The following CCDC62 variants were observed in gnomAD, a reference collection of about 807,000 sequenced individuals.
CCDC62 encodes coiled-coil domain-containing protein 62.
In CCDC62, 72 loss-of-function variants were observed where a neutral mutation model predicts 80.8. The observed-to-expected ratio is 0.89, with a 90% CI of 0.74 to 1.08. The LOEUF is 1.08. Among genes scored for constraint, CCDC62 ranks in the 50% least tolerant of loss-of-function variants. The probability of loss-of-function intolerance (pLI) is 0.00; values close to 1 mark genes in which losing one functional copy is unlikely to be tolerated. For synonymous variants in CCDC62, 286 were observed against 296.5 expected (o/e 0.96, Z 0.36); for missense variants, 704 against 809.4 (o/e 0.87, Z 1.58).
chr12:122,786,743 G>A (rs1445924494), intron 4 of CCDC62, among the ~76,000 whole-genome samples: 3 of 150,684 alleles, frequency 2.0e-5, no homozygotes, highest in Admixed American at 6.6e-5. Context: ...GGCAGATCAC[G>A]AGGTCAGGAG....
chr12:122,810,814 T>C (rs2031836279), intron 10 of CCDC62, among the ~76,000 whole-genome samples: 1 of 152,128 alleles, frequency 6.6e-6, no homozygotes, highest in African/African-American at 2.4e-5. Flanking sequence ...ATGTGGCACA[T>C]ATACACCATG....
At position 122,827,463 on chromosome 12, in the gene CCDC62, AAG is replaced by A. The variant is rs1258452973; in HGVS notation, c.*1086_*1087del. 6.6e-6 allele frequency: 1 copy of A among 152,178 alleles called. No individual in the cohort carries two copies. The highest frequency in any genetic ancestry group is 1.5e-5 in the Non-Finnish European group (1 of 68,056). The allele number at this position is 152,178 out of a possible 1,614,324, so 9.4% of individuals were successfully genotyped here. The stretch of plus-strand genomic sequence containing the variant: ...TAGCCTTTTTAATTAGGGTGCTGAA[AAG>A]AGAAGTTGGGTGAGGTTTGGTTATG... On this transcript the variant is annotated 3_prime_UTR_variant, in exon 13 of 13. Transcript: ENST00000253079.
chr12:122,792,208 T>G (rs1480920128), intron 6 of CCDC62, 87 bp downstream of exon 6: 2 of 789,940 alleles, frequency 2.5e-6, no homozygotes, highest in East Asian at 5.2e-5. Context: ...AATGGTTTTT[T>G]TTTTTTTTTT....
At chr12:122,800,418 A>G (rs1196098425) in intron 8 of CCDC62, among the ~76,000 whole-genome samples, 1 of 149,418 alleles carries the variant, frequency 6.7e-6, no homozygotes, top group Non-Finnish European at 1.5e-5. Context: ...CTGTCTCTAT[A>G]AAAAAAAAAT....
Position 122,801,470 on chromosome 12 carries a change from G to GT in CCDC62, c.1326dup (p.Gln443SerfsTer15). 1.9e-6 allele frequency: 3 copies of GT among 1,614,072 alleles called. No homozygotes were observed. The highest frequency in any genetic ancestry group is 2.5e-6 in the Non-Finnish European group (3 of 1,180,026). On this transcript the variant is annotated frameshift_variant, in exon 9 of 13. Coordinates refer to ENST00000253079, the MANE Select transcript of CCDC62 (RefSeq NM_201435.5). LOFTEE classifies it high-confidence loss of function. ...ATCACCAAAATGTCATGGCACTGGG[G>GT]TTCAGAACGAAGGAAAACAACCCTC...
At chr12:122,824,874 C>T (rs965874228) in intron 12 of CCDC62, among the ~76,000 whole-genome samples, 2 of 152,006 alleles carry the variant, frequency 1.3e-5, no homozygotes, top group Non-Finnish European at 2.9e-5. Context: ...CACCTGAGGT[C>T]GGGAGTTTGA....
chr12:122,797,971 T>TAA, intron 7 of CCDC62, 114 bp from the exon 8 acceptor site: 1 of 625,288 alleles, frequency 1.6e-6, no homozygotes, highest in East Asian at 2.8e-5. Context: ...ATTTCTCTAG[T>TAA]AACTATCTGA....
chr12:122,795,327 A>C (rs973968018), intron 6 of CCDC62, among the ~76,000 whole-genome samples: 3 of 152,190 alleles, frequency 2.0e-5, no homozygotes, highest in African/African-American at 7.2e-5. Context: ...TTAGGATTAC[A>C]GGTGTGAGCC....
intron 11 of CCDC62, among the ~76,000 whole-genome samples, chr12:122,815,288 A>C (rs537884820): frequency 1.7e-4 from 26 of 151,148 alleles, no homozygotes; most frequent in Non-Finnish European, 3.4e-4. Context: ...AATGTTGCCC[A>C]GGCTGGTCTC....
At chr12:122,800,763 A>G (rs2031254953) in intron 8 of CCDC62, among the ~76,000 whole-genome samples, 1 of 59,082 alleles carries the variant, frequency 1.7e-5, no homozygotes. Context: ...AATAGTTTAT[A>G]GCATTATGGA....
chr12:122,807,730 A>C (rs1277656811), intron 10 of CCDC62, among the ~76,000 whole-genome samples: 1 of 151,774 alleles, frequency 6.6e-6, no homozygotes. Context: ...CATTCATTAC[A>C]CCCAAACCCC....
chr12:122,824,635 C>T (rs891780408), intron 12 of CCDC62, among the ~76,000 whole-genome samples: 1 of 152,182 alleles, frequency 6.6e-6, no homozygotes, highest in Admixed American at 6.5e-5. Context: ...AAGTAGAACT[C>T]CGATTTGATC....
intron 3 of CCDC62, among the ~76,000 whole-genome samples, chr12:122,783,829 C>G (rs1593783925): frequency 6.6e-6 from 1 of 152,238 alleles, no homozygotes; most frequent in Non-Finnish European, 1.5e-5. Flanking sequence ...CCCAGCCTTC[C>G]CCACGATCGA....
chr12:122,799,468 T>C (rs572345217), intron 8 of CCDC62, among the ~76,000 whole-genome samples: 117 of 152,350 alleles, frequency 7.7e-4, no homozygotes, highest in Non-Finnish European at 9.8e-4. Flanking sequence ...GAGGGTGATC[T>C]GTGCCCTTAA....
At chr12:122,811,210 C>CTTT (rs34599465) in intron 10 of CCDC62, among the ~76,000 whole-genome samples, 32 of 120,072 alleles carry the variant, frequency 2.7e-4, no homozygotes, top group Non-Finnish European at 3.1e-4. Context: ...ATTAAGTTTC[C>CTTT]TTTTTTTTTT....
At chr12:122,807,580 A>C (rs2031678152) in intron 10 of CCDC62, among the ~76,000 whole-genome samples, 1 of 151,850 alleles carries the variant, frequency 6.6e-6, no homozygotes, top group Non-Finnish European at 1.5e-5. Context: ...ATTTACCAAG[A>C]TACCAGGGTG....
Position 122,801,241 on chromosome 12 carries a change from A to G in CCDC62, c.1095A>G (p.Gln365=), listed in dbSNP as rs747200239. ...DQKFEAMLVQ[Q]NRSDKSSCDE... ...AATTTGAAGCCATGTTGGTTCAGCA[A>G]AATAGGTCAGACAAGAGCTCTTGCG... Residue 365 remains glutamine (Q), a synonymous_variant, in exon 9 of 13, where the codon CAA becomes CAG. Transcript: ENST00000253079. 3.1e-6 allele frequency: 5 copies of G among 1,614,186 alleles called. No homozygotes were observed. Among genetic ancestry groups the G allele is most frequent in the Non-Finnish European group, 4.2e-6 (5 of 1,180,032 alleles).
Position 122,798,175 on chromosome 12 carries a change from G to A in CCDC62, c.952G>A (p.Glu318Lys). 6.3e-7 allele frequency: 1 copy of A among 1,574,814 alleles called. No individual in the cohort carries two copies. Among genetic ancestry groups the A allele is most frequent in the East Asian group, 2.2e-5 (1 of 44,620 alleles). ...AATACAGATGTATGACTCAAAGATG[G>A]AGGAATCAAAGGCTCTGGACTCCAG... ...ELIQMYDSKMEESKALDSSRD... is the reference protein window; with the variant it reads ...ELIQMYDSKMKESKALDSSRD... Residue 318 changes from glutamate (E) to lysine (K), a missense_variant, in exon 8 of 13, where the codon GAG becomes AAG. By Grantham distance (56) the Glu-to-Lys change is moderately conservative (BLOSUM62 1). Coordinates refer to ENST00000253079, the MANE Select transcript of CCDC62 (RefSeq NM_201435.5).
chr12:122,809,221 G>A (rs536241324), intron 10 of CCDC62, among the ~76,000 whole-genome samples: 50 of 152,370 alleles, frequency 3.3e-4, no homozygotes, highest in African/African-American at 1.2e-3. Flanking sequence ...CGGGCGTGGT[G>A]GCTCATGCCT....
Sources: allele counts gnomAD v4.1 joint callset (sites outside exome capture counted in the v4.1 genomes callset), GRCh38; gene constraint gnomAD v4.1.1; transcripts MANE v1.5; gene names NCBI Gene and HGNC (gene_info 2026-07-23, HGNC 2026-07-21).